WLS: variants seen among roughly 807,000 people sequenced by gnomAD.
WLS encodes Wnt ligand secretion mediator.
In WLS, 23 loss-of-function variants were observed where a neutral mutation model predicts 62.8. That is an observed-to-expected ratio of 0.37 (90% CI 0.26 to 0.52). WLS has a LOEUF of 0.52. Among genes scored for constraint, WLS ranks in the 20% least tolerant of loss-of-function variants. The pLI, the probability that WLS is intolerant of heterozygous loss-of-function variation, is 0.92. For missense variants in WLS, 615 were observed against 697.3 expected (o/e 0.88, Z 1.33); for synonymous variants, 246 against 244.1 (o/e 1.01, Z -0.07).
chr1:68,222,173 CTG>C (rs1302663043), intron 1 of WLS, among the ~76,000 whole-genome samples: 1 of 152,126 alleles, frequency 6.6e-6, no homozygotes, highest in East Asian at 1.9e-4. Flanking sequence ...GACGCAAGGA[CTG>C]TGCTTTGGAT....
intron 10 of WLS, among the ~76,000 whole-genome samples, chr1:68,143,418 G>A (rs932154248): frequency 9.2e-5 from 14 of 152,160 alleles, no homozygotes; most frequent in South Asian, 2.1e-4. Flanking sequence ...CTTACAATGT[G>A]CCAGGTGCTC....
intron 2 of WLS, among the ~76,000 whole-genome samples, chr1:68,166,176 G>A (rs1647057244): frequency 6.6e-6 from 1 of 152,188 alleles, no homozygotes; most frequent in Non-Finnish European, 1.5e-5. Context: ...CCATGAAGTG[G>A]ACAGAATATT....
intron 11 of WLS, among the ~76,000 whole-genome samples, chr1:68,101,735 G>A (rs9436797): frequency 0.23 from 34,358 of 152,152 alleles, 3,981 homozygotes; most frequent in African/African-American, 0.26. Context: ...TTGGGGGTGA[G>A]TCTCCCAATG....
chr1:68,182,361 A>T (rs191168475), intron 2 of WLS, among the ~76,000 whole-genome samples: 1 of 152,366 alleles, frequency 6.6e-6, no homozygotes, highest in Non-Finnish European at 1.5e-5. Flanking sequence ...TGCTCCTGCC[A>T]ATATAACATG....
chr1:68,144,545 C>T (rs762109615), intron 10 of WLS, 24 bp downstream of exon 10: 2 of 1,608,134 alleles, frequency 1.2e-6, no homozygotes, highest in African/African-American at 1.3e-5. Flanking sequence ...ACATTCTCAC[C>T]TTGACATCTC....
intron 1 of WLS, among the ~76,000 whole-genome samples, chr1:68,228,620 C>T (rs1360385675): frequency 1.3e-5 from 2 of 151,736 alleles, no homozygotes. Flanking sequence ...CCTTCAGGTA[C>T]TACCGCATTT....
At chr1:68,172,689 T>G (rs574492207) in intron 2 of WLS, among the ~76,000 whole-genome samples, 1 of 152,280 alleles carries the variant, frequency 6.6e-6, no homozygotes, top group East Asian at 1.9e-4. Flanking sequence ...TGGCTCACCC[T>G]ACTGAGAAGA....
At chr1:68,156,060 A>T (rs1020041110) in intron 3 of WLS, among the ~76,000 whole-genome samples, 15 of 152,164 alleles carry the variant, frequency 9.9e-5, no homozygotes, top group African/African-American at 3.4e-4. Flanking sequence ...GACAGTAGGG[A>T]GACACCTTTT....
intron 2 of WLS, among the ~76,000 whole-genome samples, chr1:68,170,587 G>T (rs1024715804): frequency 6.6e-6 from 1 of 152,052 alleles, no homozygotes; most frequent in Non-Finnish European, 1.5e-5. Flanking sequence ...ATTACAAAAG[G>T]CTTCTTTATC....
At chr1:68,190,601 C>G (rs965186575) in intron 2 of WLS, among the ~76,000 whole-genome samples, 3 of 152,202 alleles carry the variant, frequency 2.0e-5, no homozygotes, top group Non-Finnish European at 4.4e-5. Flanking sequence ...AGCCTGCCAA[C>G]AACCATGTGA....
chr1:68,145,030 T>G (rs1646734820), intron 9 of WLS, among the ~76,000 whole-genome samples: 1 of 152,194 alleles, frequency 6.6e-6, no homozygotes, highest in African/African-American at 2.4e-5. Context: ...AAAAGAAATG[T>G]GCATATTAAT....
intron 10 of WLS, among the ~76,000 whole-genome samples, chr1:68,139,060 A>G (rs1646651021): frequency 1.3e-5 from 2 of 152,220 alleles, no homozygotes; most frequent in South Asian, 4.1e-4. Flanking sequence ...TTTTTTTCTG[A>G]AAGACCAGGA....
chr1:68,156,671 G>T (rs1228808407), intron 3 of WLS, among the ~76,000 whole-genome samples: 9 of 152,168 alleles, frequency 5.9e-5, no homozygotes, highest in Non-Finnish European at 8.8e-5. Context: ...ATTAGAGTTG[G>T]CATGTGAGAT....
At chr1:68,212,251 A>G (rs1246769210) in intron 1 of WLS, among the ~76,000 whole-genome samples, 2 of 152,220 alleles carry the variant, frequency 1.3e-5, no homozygotes, top group African/African-American at 2.4e-5. Flanking sequence ...ACATTCAGCA[A>G]AAGAGTTCAC....
chr1:68,220,390 C>T (rs1028010494), intron 1 of WLS, among the ~76,000 whole-genome samples: 3 of 152,212 alleles, frequency 2.0e-5, no homozygotes, highest in Non-Finnish European at 4.4e-5. Flanking sequence ...ATTAATTGAT[C>T]TAACACCTAT....
chr1:68,128,976 C>A (rs768755926), intron 11 of WLS, among the ~76,000 whole-genome samples: 2 of 150,336 alleles, frequency 1.3e-5, no homozygotes, highest in Non-Finnish European at 3.0e-5. Flanking sequence ...TTTCCAGCAG[C>A]CAGTGAGACT....
intron 1 of WLS, chr1:68,228,190 AAAT>A (rs1347141277): frequency 2.4e-6 from 1 of 418,590 alleles, no homozygotes; most frequent in East Asian, 7.1e-5. Context: ...TTTTCTAAAG[AAAT>A]AATAATTGGT....
At chr1:68,223,041 A>T (rs1650005181) in intron 1 of WLS, among the ~76,000 whole-genome samples, 2 of 152,150 alleles carry the variant, frequency 1.3e-5, no homozygotes, top group Non-Finnish European at 2.9e-5. Flanking sequence ...TTCTTGTCTC[A>T]TCCTATGTCC....
intron 2 of WLS, chr1:68,183,467 C>G: frequency 1.9e-6 from 1 of 515,002 alleles, no homozygotes; most frequent in South Asian, 1.5e-5. Flanking sequence ...CTGCCCCATT[C>G]AGCTCTCTTT....
Sources: gnomAD v4.1 joint callset for allele counts (sites outside exome capture counted in the v4.1 genomes callset) on GRCh38, gnomAD v4.1.1 for gene constraint, MANE v1.5 for transcripts, NCBI Gene and HGNC (gene_info 2026-07-23, HGNC 2026-07-21) for gene names.